The following DNAH9 variants were observed in gnomAD, a reference collection of about 807,000 sequenced individuals.
The protein encoded by DNAH9 is DNAH9 variant protein.
Under a neutral mutation model 471.6 loss-of-function variants are expected in DNAH9, and 345 were observed. That is an observed-to-expected ratio of 0.73 (90% CI 0.67 to 0.80). DNAH9 has a LOEUF of 0.80. Among genes scored for constraint, DNAH9 ranks in the 30% least tolerant of loss-of-function variants. DNAH9 has a pLI of 0.00. For synonymous variants in DNAH9, 2,093 were observed against 2,123.6 expected, an observed-to-expected ratio of 0.99 and a Z score of 0.40; for missense variants, 5,407 against 5,609.2, an observed-to-expected ratio of 0.96 and a Z score of 1.15.
At position 11,763,546 on chromosome 17, in the gene DNAH9, G is replaced by GA; in HGVS notation, c.7105dup (p.Ile2369AsnfsTer3). Reference sequence around the variant, plus strand: ...GGACATCCCTGCAGACTGCCCTAAGGAAATTTATGAGCATTATTTTGTGTT... The same window carrying GA: ...GGACATCCCTGCAGACTGCCCTAAGGAAAATTTATGAGCATTATTTTGTGTT... On this transcript the variant is annotated frameshift_variant, in exon 36 of 69. Transcript: ENST00000262442. LOFTEE classifies it high-confidence loss of function. The GA allele has an allele frequency of 6.2e-7, 1 of 1,614,128 alleles. No homozygotes were observed. The highest frequency in any genetic ancestry group is 1.1e-5 in the South Asian group (1 of 91,074).
rs142524914 is a variant in DNAH9 at position 11,713,758 on chromosome 17, T to C, written c.5553-5576T>C. Among the ~76,000 whole-genome samples, 9 of 152,328 alleles carry C rather than the reference T, an allele frequency of 5.9e-5. No homozygotes were observed. The East Asian group carries it at 1.7e-3, about 29-fold the overall frequency. On this transcript the variant is annotated intron_variant, in intron 26 of 68. Transcript: ENST00000262442. ...ATATATTTATCTTCCATTCTACTCA[T>C]TTACTACCCTGTATTACAAATTCTA... is the stretch of plus-strand genomic sequence containing the variant.
chr17:11,950,173 G>A (rs1009287671), intron 67 of DNAH9, among the ~76,000 whole-genome samples: 1 of 152,032 alleles, frequency 6.6e-6, no homozygotes, highest in Admixed American at 6.6e-5. Flanking sequence ...ATCCTTCCTC[G>A]ACTCTCAAAT....
chr17:11,915,667 G>A (rs1973927823), intron 61 of DNAH9, among the ~76,000 whole-genome samples: 5 of 152,152 alleles, frequency 3.3e-5, no homozygotes, highest in Admixed American at 3.3e-4. Flanking sequence ...GTCACACCAT[G>A]AGCCTTCCTA....
At chr17:11,775,275 T>A (rs1466663257) in intron 38 of DNAH9, among the ~76,000 whole-genome samples, 1 of 152,142 alleles carries the variant, frequency 6.6e-6, no homozygotes, top group East Asian at 1.9e-4. Flanking sequence ...ATACAATAAG[T>A]GCTTTGTAAA....
At chr17:11,869,105 T>G in intron 50 of DNAH9, 29 bp from the exon 51 acceptor site, 1 of 1,609,642 alleles carries the variant, frequency 6.2e-7, no homozygotes, top group Admixed American at 1.7e-5. Context: ...CCGAAATGAC[T>G]GATGGTCCTT....
At chr17:11,825,806 A>C (rs1013160420) in intron 48 of DNAH9, among the ~76,000 whole-genome samples, 3 of 152,262 alleles carry the variant, frequency 2.0e-5, no homozygotes, top group Non-Finnish European at 4.4e-5. Flanking sequence ...CAGAGCTCAC[A>C]TACTATATGG....
intron 55 of DNAH9, 60 bp from the exon 56 acceptor site, chr17:11,883,526 T>C (rs1225652876): frequency 6.9e-6 from 11 of 1,588,288 alleles, no homozygotes; most frequent in Middle Eastern, 3.5e-4. Context: ...TTCAGACACA[T>C]CCTTAGAGCA....
chr17:11,769,213 C>T lies in DNAH9; in HGVS notation c.7436C>T (p.Thr2479Met), dbSNP rs546685970. 1.7e-5 allele frequency: 27 copies of T among 1,614,166 alleles called. No individual in the cohort carries two copies. Among genetic ancestry groups the T allele is most frequent in the East Asian group, 1.6e-4 (7 of 44,864 alleles). ...ARQRPVMLVG[T>M]AGTGKSVLVG... Reference sequence around the variant, plus strand: ...CAGCGGCCTGTCATGCTGGTGGGCACGGCTGGCACTGGCAAGTCGGTGCTG... The same window carrying T: ...CAGCGGCCTGTCATGCTGGTGGGCATGGCTGGCACTGGCAAGTCGGTGCTG... Residue 2479 changes from threonine (T) to methionine (M), a missense_variant, in exon 38 of 69, where the codon ACG (threonine) becomes ATG (methionine). This residue lies in a region of DNAH9 where 4,636 missense variants were observed against 4,900.3 expected (regional missense o/e 0.95). Coordinates refer to ENST00000262442, the MANE Select transcript of DNAH9 (RefSeq NM_001372.4).
chr17:11,840,312 A>G (rs1361567730), intron 49 of DNAH9, among the ~76,000 whole-genome samples: 1 of 152,196 alleles, frequency 6.6e-6, no homozygotes, highest in Non-Finnish European at 1.5e-5. Context: ...TTCCCTCTTG[A>G]TACAAGATTA....
chr17:11,738,767 G>A, intron 28 of DNAH9, 113 bp from the exon 29 acceptor site: 3 of 874,982 alleles, frequency 3.4e-6, no homozygotes, highest in South Asian at 1.6e-5. Context: ...TCAGTGAAAG[G>A]GTCCACAGGA....
intron 2 of DNAH9, among the ~76,000 whole-genome samples, chr17:11,609,153 A>T (rs1220361913): frequency 5.3e-5 from 8 of 152,224 alleles, no homozygotes; most frequent in African/African-American, 1.9e-4. Flanking sequence ...AACATTGTGT[A>T]TTCAGGATCC....
At chr17:11,803,182 G>A (rs1969531737) in intron 43 of DNAH9, among the ~76,000 whole-genome samples, 1 of 152,104 alleles carries the variant, frequency 6.6e-6, no homozygotes, top group Non-Finnish European at 1.5e-5. Context: ...TTCTTGTTCT[G>A]CTTTTTCTTC....
At chr17:11,820,547 G>T (rs1363133999) in intron 45 of DNAH9, among the ~76,000 whole-genome samples, 2 of 152,124 alleles carry the variant, frequency 1.3e-5, no homozygotes, top group Non-Finnish European at 2.9e-5. Flanking sequence ...TATGAGTGAG[G>T]TGAAGCATCT....
At chr17:11,685,678 G>A (rs924453972) in intron 19 of DNAH9, among the ~76,000 whole-genome samples, 1 of 152,068 alleles carries the variant, frequency 6.6e-6, no homozygotes, top group Admixed American at 6.6e-5. Flanking sequence ...GAAGGAGAGT[G>A]TAAGGGGATT....
At chr17:11,682,801 A>G (rs976628489) in intron 19 of DNAH9, among the ~76,000 whole-genome samples, 4 of 152,146 alleles carry the variant, frequency 2.6e-5, no homozygotes, top group Non-Finnish European at 5.9e-5. Flanking sequence ...TTTGGAAACC[A>G]CCACCCTAAA....
At position 11,694,368 on chromosome 17, in the gene DNAH9, G is replaced by T; in HGVS notation, c.4793G>T (p.Arg1598Met). 1.2e-6 allele frequency: 2 copies of T among 1,613,816 alleles called. No individual in the cohort carries two copies. Among genetic ancestry groups the T allele is most frequent in the Non-Finnish European group, 1.7e-6 (2 of 1,179,932 alleles). ...KALAEYLDTK[R>M]LAFPRFYFLS... ...CTGGCAGAGTACCTCGACACCAAGA[G>T]GCTTGCCTTCCCGCGGTTTTACTTT... is the stretch of plus-strand genomic sequence containing the variant. The change falls in exon 22 of 69, where the codon AGG becomes ATG. Residue 1598 changes from arginine to methionine, a missense_variant. Coordinates refer to ENST00000262442, the MANE Select transcript of DNAH9 (RefSeq NM_001372.4).
In DNAH9 at chr17:11,626,968, C is replaced by T. The variant is rs1446643884; in HGVS notation, c.1351-2449C>T. 2.0e-5 allele frequency among the ~76,000 whole-genome samples: 3 copies of T among 152,230 alleles called. No homozygotes were observed. Among genetic ancestry groups the T allele is most frequent in the South Asian group, 4.2e-4 (2 of 4,806 alleles). Reference sequence around the variant, plus strand: ...TACCGAGATACCTTTGGGGCATTTACAACTTACTGGACAGAAAATAAGCAA... The same window carrying T: ...TACCGAGATACCTTTGGGGCATTTATAACTTACTGGACAGAAAATAAGCAA... On this transcript the variant is annotated intron_variant, in intron 6 of 68. Coordinates refer to ENST00000262442, the MANE Select transcript of DNAH9 (RefSeq NM_001372.4). This position sits in a 1 kb window ranked among gnomAD's most constrained non-coding sequence, Gnocchi z 4.3.
chr17:11,778,993 T>G (rs1968568979), intron 38 of DNAH9, among the ~76,000 whole-genome samples: 1 of 151,468 alleles, frequency 6.6e-6, no homozygotes, highest in East Asian at 2.0e-4. Flanking sequence ...GCAACAAGAG[T>G]GAAACTCCAT....
At chr17:11,692,897 ATTATTGTTAC>A (rs2058159756) in intron 20 of DNAH9, among the ~76,000 whole-genome samples, 1 of 152,022 alleles carries the variant, frequency 6.6e-6, no homozygotes, top group Non-Finnish European at 1.5e-5. Flanking sequence ...TAATGGGTTT[ATTATTGTTAC>A]TTTTGTTATT....
Sources: allele counts gnomAD v4.1 joint callset (sites outside exome capture counted in the v4.1 genomes callset), GRCh38; gene constraint gnomAD v4.1.1; regional missense constraint gnomAD v4.1.1; non-coding constraint Gnocchi (gnomAD v3.1); transcripts MANE v1.5; gene names NCBI Gene and HGNC (gene_info 2026-07-23, HGNC 2026-07-21).